C5orf34: variants seen among roughly 807,000 people sequenced by gnomAD.
C5orf34 encodes uncharacterized protein C5orf34.
A neutral mutation model predicts 78.4 loss-of-function variants in C5orf34; 73 were observed. The ratio of observed to expected loss-of-function variants is 0.93; its 90% confidence interval spans 0.77 to 1.13. C5orf34 has a LOEUF of 1.13. C5orf34 is among the 50% of genes most tolerant of loss of function. The pLI, the probability that C5orf34 is intolerant of heterozygous loss-of-function variation, is 0.00. For missense variants in C5orf34, 730 were observed against 732.7 expected (o/e 1.00, Z 0.04); for synonymous variants, 251 against 246.6 (o/e 1.02, Z -0.17).
chr5:43,506,232 T>A lies in C5orf34; in HGVS notation c.448A>T (p.Lys150Ter). The A allele has an allele frequency of 6.2e-7, 1 of 1,614,210 alleles. No homozygotes were observed. The highest frequency in any genetic ancestry group is 8.5e-7 in the Non-Finnish European group (1 of 1,180,038). ...GATGAGTCTGACTTCTGGCTAACTT[T>A]ACACAAAAAATGTACTGTAAATTCA... is the stretch of plus-strand genomic sequence containing the variant. The part of the protein sequence containing the change: ...QHEFTVHFLC[K>*]VSQKSDSSAV... Residue 150 changes from lysine (K) to a stop codon, truncating the protein, a stop_gained, in exon 4 of 13, where the codon AAA becomes TAA. Coordinates refer to ENST00000306862, the MANE Select transcript of C5orf34 (RefSeq NM_198566.4). LOFTEE classifies it high-confidence loss of function.
At chr5:43,513,750 A>G (rs982460676) in intron 1 of C5orf34, among the ~76,000 whole-genome samples, 2 of 152,216 alleles carry the variant, frequency 1.3e-5, no homozygotes, top group Non-Finnish European at 2.9e-5. Flanking sequence ...ATCATCATCA[A>G]GGTTTCAGCA....
intron 11 of C5orf34, among the ~76,000 whole-genome samples, chr5:43,489,570 C>T (rs79128239): frequency 1.3e-5 from 2 of 152,106 alleles, no homozygotes; most frequent in African/African-American, 4.8e-5. Flanking sequence ...TAGACAAGTA[C>T]AATTTTCCTT....
chr5:43,501,780 A>G (rs1298643676), intron 6 of C5orf34, among the ~76,000 whole-genome samples: 1 of 152,224 alleles, frequency 6.6e-6, no homozygotes, highest in African/African-American at 2.4e-5. Context: ...TTGTTCTAGC[A>G]TGCAAAGTAG....
At chr5:43,488,180 C>T (rs1745137342) in intron 11 of C5orf34, 1 of 507,276 alleles carries the variant, frequency 2.0e-6, no homozygotes. Flanking sequence ...AAATCCACTT[C>T]AAGGAATTTG....
In C5orf34 at chr5:43,492,877, T is replaced by C; in HGVS notation, c.1328A>G (p.Asn443Ser). ...ICCWKMVPGINDSNILPLVLK... is the reference protein window; with the variant it reads ...ICCWKMVPGISDSNILPLVLK... ...AACCAAAGGCAGTATATTGCTATCA[T>C]TTATCCCAGGTACCTAAAACCAAGT... Residue 443 changes from asparagine (N) to serine (S), a missense_variant, in exon 9 of 13, where the codon AAT (asparagine) becomes AGT (serine). Asn to Ser is a conservative substitution (Grantham distance 46). Coordinates refer to ENST00000306862, the MANE Select transcript of C5orf34 (RefSeq NM_198566.4). 1 of 1,595,116 alleles carries C rather than the reference T, an allele frequency of 6.3e-7. No individual in the cohort carries two copies. The highest frequency in any genetic ancestry group is 8.6e-7 in the Non-Finnish European group (1 of 1,169,558).
intron 4 of C5orf34, among the ~76,000 whole-genome samples, chr5:43,504,178 G>C (rs888809855): frequency 6.6e-6 from 1 of 151,878 alleles, no homozygotes. Flanking sequence ...GTAGTGGCAC[G>C]TGCCTGTAAT....
At chr5:43,487,574 G>A (rs1395675298) in intron 12 of C5orf34, among the ~76,000 whole-genome samples, 1 of 151,920 alleles carries the variant, frequency 6.6e-6, no homozygotes, top group Non-Finnish European at 1.5e-5. Flanking sequence ...GGGTGAGAAT[G>A]TACAGAATGA....
chr5:43,496,216 A>G (rs1433481016), intron 6 of C5orf34: 14 of 1,570,280 alleles, frequency 8.9e-6, no homozygotes, highest in Admixed American at 5.0e-5. Context: ...GCTGGTCTCA[A>G]ATTTCCACAA....
Position 43,514,792 on chromosome 5 carries a change from A to C in C5orf34, c.-37+14T>G, listed in dbSNP as rs1746414349. ...GAGCCTGATCAAAACAACCACCAAA[A>C]GTCTTCCACTCACAGCAGTTCGGAG... On this transcript the variant is annotated intron_variant, in intron 1 of 12. Transcript: ENST00000306862. The C allele has an allele frequency of 6.6e-6, 1 of 152,192 alleles. No homozygotes were observed. Among genetic ancestry groups the C allele is most frequent in the African/African-American group, 2.4e-5 (1 of 41,434 alleles). 9.4% of individuals were successfully genotyped at this position (152,192 alleles called of 1,614,324 possible).
rs544724601 is a variant in C5orf34, at chr5:43,497,023, TA to T, written c.1153-2423del. Among the ~76,000 whole-genome samples the T allele has an allele frequency of 3.3e-5, 5 of 152,298 alleles. No homozygotes were observed. In the South Asian group the frequency reaches 1.0e-3, roughly 32 times the overall value. Reference sequence around the variant, plus strand: ...ACAAAAAGACATGGATATATAGATTTAAAAAAACTATTTTAATTGAATGAAT... The same window carrying T: ...ACAAAAAGACATGGATATATAGATTTAAAAAACTATTTTAATTGAATGAAT... On this transcript the variant is annotated intron_variant, in intron 6 of 12. Transcript: ENST00000306862.
chr5:43,509,063 C>T, intron 2 of C5orf34, 82 bp downstream of exon 2: 1 of 1,071,986 alleles, frequency 9.3e-7, no homozygotes, highest in Non-Finnish European at 1.4e-6. Flanking sequence ...TATGGTAGTG[C>T]CACTGTACTC....
chr5:43,492,004 CAA>C (rs34983529), intron 10 of C5orf34, among the ~76,000 whole-genome samples: 503 of 85,516 alleles, frequency 5.9e-3, no homozygotes, highest in Middle Eastern at 0.012. Context: ...AACTCTGTCT[CAA>C]AAAAAAAAAA....
chr5:43,513,625 G>A lies in C5orf34; in HGVS notation c.-37+1181C>T, dbSNP rs540332544. On this transcript the variant is annotated intron_variant, in intron 1 of 12. Coordinates refer to ENST00000306862, the MANE Select transcript of C5orf34 (RefSeq NM_198566.4). ...TTCTCAACTCTCTCCTACTTCTACA[G>A]GGCACTTTAGATACATTGGCATTTT... is the stretch of plus-strand genomic sequence containing the variant. Among the ~76,000 whole-genome samples, 24 of 152,242 alleles carry A rather than the reference G, an allele frequency of 1.6e-4. No individual in the cohort carries two copies. The South Asian group carries it at 4.8e-3, about 30-fold the overall frequency.
At chr5:43,490,610 T>C in intron 11 of C5orf34, 21 bp downstream of exon 11, 1 of 1,455,894 alleles carries the variant, frequency 6.9e-7, no homozygotes, top group Non-Finnish European at 9.6e-7. Context: ...CTAAACAGAT[T>C]TAAGTTTAAA....
chr5:43,501,037 C>T (rs1745736564), intron 6 of C5orf34, among the ~76,000 whole-genome samples: 1 of 152,174 alleles, frequency 6.6e-6, no homozygotes, highest in African/African-American at 2.4e-5. Flanking sequence ...GGCAGTCCAC[C>T]ACAAATGCGT....
intron 1 of C5orf34, among the ~76,000 whole-genome samples, chr5:43,512,186 G>A (rs1746289332): frequency 6.6e-6 from 1 of 152,208 alleles, no homozygotes; most frequent in South Asian, 2.1e-4. Context: ...CCAGCACTGT[G>A]GATGCTGCCT....
chr5:43,505,501 C>T, intron 4 of C5orf34: 1 of 407,590 alleles, frequency 2.5e-6, no homozygotes. Flanking sequence ...GTGTCTTAGT[C>T]ATCTCTGCAG....
chr5:43,502,247 A>G, intron 6 of C5orf34, 125 bp downstream of exon 6: 1 of 898,042 alleles, frequency 1.1e-6, no homozygotes, highest in Non-Finnish European at 1.8e-6. Context: ...GATTATATTA[A>G]TACTCCAGAC....
rs1011845560 is a variant in C5orf34 at position 43,490,827 on chromosome 5, G to A, written c.1581-98C>T. The A allele has an allele frequency of 3.8e-5, 25 of 649,902 alleles. No individual in the cohort carries two copies. In the African/African-American group the frequency reaches 3.9e-4, roughly 10 times the overall value. The allele number at this position is 649,902 out of a possible 1,614,324, so 40.3% of individuals were successfully genotyped here. A position where few individuals can be genotyped will look rare whatever the true frequency, so the allele number is the denominator to read the frequency against. On this transcript the variant is annotated intron_variant, in intron 10 of 12. Coordinates refer to ENST00000306862, the MANE Select transcript of C5orf34 (RefSeq NM_198566.4). ...AAAATAAGACAATTTGGGAAAAAAG[G>A]ATAAAGAAAAAATGTTAAAGTGAAG...
Sources: gnomAD v4.1 joint callset for allele counts (sites outside exome capture counted in the v4.1 genomes callset) on GRCh38, gnomAD v4.1.1 for gene constraint, MANE v1.5 for transcripts, NCBI Gene and HGNC (gene_info 2026-07-23, HGNC 2026-07-21) for gene names.